Variants in MXI1 observed in about 807,000 individuals in gnomAD.
The protein encoded by MXI1 is max-interacting protein 1.
Under a neutral mutation model 36.9 loss-of-function variants are expected in MXI1, and 18 were observed. The observed-to-expected ratio is 0.49, with a 90% confidence interval of 0.34 to 0.72. The LOEUF (loss-of-function observed/expected upper bound fraction) is 0.72. MXI1 is among the 30% of genes least tolerant of loss of function. MXI1 has a pLI of 0.01. For synonymous variants in MXI1, 160 were observed against 146.7 expected, an observed-to-expected ratio of 1.09 and a Z score of -0.65; for missense variants, 304 against 379.1, an observed-to-expected ratio of 0.80 and a Z score of 1.64.
intron 3 of MXI1, among the ~76,000 whole-genome samples, chr10:110,250,880 A>G (rs1355806183): frequency 2.0e-5 from 3 of 151,052 alleles, no homozygotes; most frequent in Admixed American, 6.6e-5. Flanking sequence ...GATGGTCAAG[A>G]ACCTTAGTGC....
At position 110,285,369 on chromosome 10, in the gene MXI1, C is replaced by T. The variant is rs79317146; in HGVS notation, c.*382C>T. 2,043 of 161,284 alleles carry T rather than the reference C, an allele frequency of 0.013. 38 individuals carry two copies. Among genetic ancestry groups the T allele is most frequent in the African/African-American group, 0.047 (1,950 of 41,826 alleles). The allele number at this position is 161,284 out of a possible 1,614,324, so 10.0% of individuals were successfully genotyped here. On this transcript the variant is annotated 3_prime_UTR_variant, in exon 6 of 6. Transcript: ENST00000332674. ...ACACATTTAAGGATGGGGTTATGAA[C>T]CCTTCCTGAGCTTTATGGTCCTAAA...
At chr10:110,213,276 A>C (rs986064006) in intron 1 of MXI1, among the ~76,000 whole-genome samples, 15 of 152,212 alleles carry the variant, frequency 9.9e-5, no homozygotes, top group African/African-American at 3.6e-4. Context: ...ATGGCAACTA[A>C]TGTTCAAGCT....
chr10:110,286,707 A>G lies in MXI1; in HGVS notation c.*1720A>G, dbSNP rs972789095. 10 of 152,558 alleles carry G rather than the reference A, an allele frequency of 6.6e-5. No individual in the cohort carries two copies. The highest frequency in any genetic ancestry group is 7.2e-5 in the African/African-American group (3 of 41,464). 9.5% of individuals were successfully genotyped at this position (152,558 alleles called of 1,614,324 possible). ...TTAACAGCATTCACTGCTTCTATATATAGTGTACCATCTTGGTCATACATT... is the reference window on the plus strand; with the variant it reads ...TTAACAGCATTCACTGCTTCTATATGTAGTGTACCATCTTGGTCATACATT... On this transcript the variant is annotated 3_prime_UTR_variant, in exon 6 of 6. Transcript: ENST00000332674.
chr10:110,215,257 G>T (rs1281649167), intron 1 of MXI1, among the ~76,000 whole-genome samples: 2 of 152,112 alleles, frequency 1.3e-5, no homozygotes, highest in African/African-American at 2.4e-5. Flanking sequence ...GGCTAGGCTG[G>T]TCTTGAACTC....
intron 3 of MXI1, among the ~76,000 whole-genome samples, chr10:110,267,910 G>A (rs1308719240): frequency 6.6e-6 from 1 of 152,178 alleles, no homozygotes; most frequent in Non-Finnish European, 1.5e-5. Context: ...ATGTCAAAGT[G>A]TCCTTCATAT....
chr10:110,242,718 CT>C (rs1455095899), intron 2 of MXI1, among the ~76,000 whole-genome samples: 1 of 151,888 alleles, frequency 6.6e-6, no homozygotes, highest in Non-Finnish European at 1.5e-5. Flanking sequence ...TTGGAGCTAG[CT>C]TTGATAATAG....
intron 1 of MXI1, among the ~76,000 whole-genome samples, chr10:110,221,879 G>A (rs763373383): frequency 1.3e-5 from 2 of 152,062 alleles, no homozygotes; most frequent in Non-Finnish European, 2.9e-5. Flanking sequence ...GTGCGTTTCC[G>A]TGTGGTTGGG....
At chr10:110,250,409 C>G (rs1179684133) in intron 3 of MXI1, among the ~76,000 whole-genome samples, 1 of 152,094 alleles carries the variant, frequency 6.6e-6, no homozygotes, top group African/African-American at 2.4e-5. Flanking sequence ...ATTACTTTGC[C>G]CATTGGCTTA....
At chr10:110,227,968 C>T (rs1314843069) in intron 1 of MXI1, 1 of 520,620 alleles carries the variant, frequency 1.9e-6, no homozygotes, top group East Asian at 3.0e-5. Flanking sequence ...GGGATAAACT[C>T]TTTGGTTTAG....
intron 1 of MXI1, 158 bp downstream of exon 1, chr10:110,208,240 C>A (rs1286508154): frequency 4.4e-6 from 3 of 677,672 alleles, no homozygotes; most frequent in East Asian, 3.8e-5. Flanking sequence ...AGGACACGCA[C>A]GCACAAAGCT....
At chr10:110,245,409 A>T (rs1433163318) in intron 3 of MXI1, among the ~76,000 whole-genome samples, 1 of 152,196 alleles carries the variant, frequency 6.6e-6, no homozygotes, top group African/African-American at 2.4e-5. Flanking sequence ...TAATTAAAGT[A>T]CTATATAATG....
chr10:110,275,165 G>T (rs1283644363), intron 3 of MXI1, among the ~76,000 whole-genome samples: 1 of 152,086 alleles, frequency 6.6e-6, no homozygotes, highest in South Asian at 2.1e-4. Flanking sequence ...ATGAGCTACC[G>T]CACCCAGCCT....
At chr10:110,218,818 C>T (rs1854723411) in intron 1 of MXI1, among the ~76,000 whole-genome samples, 1 of 152,182 alleles carries the variant, frequency 6.6e-6, no homozygotes, top group Admixed American at 6.5e-5. Flanking sequence ...ACTGGGCTGG[C>T]CCATACATGG....
chr10:110,228,835 G>A (rs923096972), intron 2 of MXI1, among the ~76,000 whole-genome samples: 13 of 152,062 alleles, frequency 8.5e-5, no homozygotes, highest in African/African-American at 2.7e-4. Context: ...TGATGAGATC[G>A]GATTGGTTGG....
intron 3 of MXI1, among the ~76,000 whole-genome samples, chr10:110,272,888 A>G (rs896874124): frequency 2.0e-5 from 3 of 152,022 alleles, no homozygotes; most frequent in East Asian, 1.9e-4. Flanking sequence ...TCCCATGACT[A>G]CCACAATCAG....
Position 110,207,819 on chromosome 10 carries a change from G to T in MXI1, c.11G>T (p.Arg4Leu), listed in dbSNP as rs1192057126. 3 of 1,118,034 alleles carry T rather than the reference G, an allele frequency of 2.7e-6. No homozygotes were observed. Among genetic ancestry groups the T allele is most frequent in the Non-Finnish European group, 2.2e-6 (2 of 915,468 alleles). 69.3% of individuals were successfully genotyped at this position (1,118,034 alleles called of 1,614,324 possible). Reference protein sequence around the residue: MGKRGRPRKEARCE... With the variant: MGKLGRPRKEARCE... Reference sequence around the variant, plus strand: ...GACCCCCGCTCCTCCATGGGCAAACGCGGGCGGCCGCGCAAGGAGGCGCGC... The same window carrying T: ...GACCCCCGCTCCTCCATGGGCAAACTCGGGCGGCCGCGCAAGGAGGCGCGC... The change falls in exon 1 of 6, where the codon CGC becomes CTC. Residue 4 changes from arginine to leucine, a missense_variant. Transcript: ENST00000332674.
intron 3 of MXI1, among the ~76,000 whole-genome samples, chr10:110,245,539 G>A (rs1333521118): frequency 6.6e-6 from 1 of 152,144 alleles, no homozygotes; most frequent in Non-Finnish European, 1.5e-5. Flanking sequence ...TGGTGAGTGA[G>A]CAGTGTATAC....
intron 1 of MXI1, among the ~76,000 whole-genome samples, chr10:110,217,634 T>G (rs1231928665): frequency 1.3e-5 from 2 of 152,246 alleles, no homozygotes; most frequent in Admixed American, 1.3e-4. Flanking sequence ...CTGAGCTAAG[T>G]TTTTGTTGAA....
rs144681278 is a variant in MXI1 at position 110,285,650 on chromosome 10, C to G, written c.*663C>G. On this transcript the variant is annotated 3_prime_UTR_variant, in exon 6 of 6. Coordinates refer to ENST00000332674, the MANE Select transcript of MXI1 (RefSeq NM_130439.3). Reference sequence around the variant, plus strand: ...TTGGATTCCATGCTAAGCAAGCTAACCTTATCCTGCATTGTTAGCACTAGG... The same window carrying G: ...TTGGATTCCATGCTAAGCAAGCTAAGCTTATCCTGCATTGTTAGCACTAGG... 8.5e-5 allele frequency: 13 copies of G among 152,278 alleles called. No homozygotes were observed. In the East Asian group the frequency reaches 2.5e-3, roughly 29 times the overall value. The allele number at this position is 152,278 out of a possible 1,614,324, so 9.4% of individuals were successfully genotyped here.
Sources: gnomAD v4.1 joint callset for allele counts (sites outside exome capture counted in the v4.1 genomes callset) on GRCh38, gnomAD v4.1.1 for gene constraint, MANE v1.5 for transcripts, NCBI Gene and HGNC (gene_info 2026-07-23, HGNC 2026-07-21) for gene names.